Variants in NRG3 observed in about 807,000 individuals in gnomAD.
NRG3 encodes the protein neuregulin 3, also known as pro-neuregulin-3, membrane-bound isoform.
A neutral mutation model predicts 66.9 loss-of-function variants in NRG3; 31 were observed. That is an observed-to-expected ratio of 0.46 (90% confidence interval 0.35 to 0.63). The LOEUF is 0.63. Among genes scored for constraint, NRG3 ranks in the 20% least tolerant of loss-of-function variants. The pLI is 0.00. For missense variants in NRG3, 910 were observed against 878.9 expected, an observed-to-expected ratio of 1.04 and a Z score of -0.45; for synonymous variants, 393 against 359.4, an observed-to-expected ratio of 1.09 and a Z score of -1.06.
intron 2 of NRG3, among the ~76,000 whole-genome samples, chr10:82,362,339 G>A (rs1291557526): frequency 1.2e-4 from 8 of 65,188 alleles, no homozygotes; most frequent in African/African-American, 3.5e-4. Context: ...ATATATGTGT[G>A]TGTGTGTGTG....
chr10:82,588,784 A>G (rs1168529549), intron 2 of NRG3, among the ~76,000 whole-genome samples: 1 of 152,164 alleles, frequency 6.6e-6, no homozygotes, highest in African/African-American at 2.4e-5. Flanking sequence ...TACAGGCGTG[A>G]GCCACCGCAC....
chr10:82,776,290 T>A (rs2135228025), intron 3 of NRG3, among the ~76,000 whole-genome samples: 1 of 152,330 alleles, frequency 6.6e-6, no homozygotes, highest in Non-Finnish European at 1.5e-5. Context: ...GAGAAATCAC[T>A]GATGATCTGA....
chr10:82,795,376 T>C (rs868043355), intron 3 of NRG3, among the ~76,000 whole-genome samples: 1 of 152,218 alleles, frequency 6.6e-6, no homozygotes, highest in African/African-American at 2.4e-5. Context: ...ACAGAGCTAA[T>C]GTCTTTATTT....
chr10:82,729,883 A>C (rs1339336765), intron 2 of NRG3, among the ~76,000 whole-genome samples: 2 of 152,176 alleles, frequency 1.3e-5, no homozygotes, highest in African/African-American at 4.8e-5. Context: ...TTTTTAACTC[A>C]TCAAACTTGA....
chr10:81,936,738 A>G (rs1404758030), intron 1 of NRG3, among the ~76,000 whole-genome samples: 1 of 152,198 alleles, frequency 6.6e-6, no homozygotes, highest in Non-Finnish European at 1.5e-5. Context: ...GTCATGGTCC[A>G]AAATGGTGAT....
intron 1 of NRG3, among the ~76,000 whole-genome samples, chr10:82,349,065 C>T (rs144979456): frequency 2.0e-5 from 3 of 152,140 alleles, no homozygotes; most frequent in Non-Finnish European, 4.4e-5. Flanking sequence ...TCTCTCAGCT[C>T]GTCAAAGTCA....
intron 1 of NRG3, among the ~76,000 whole-genome samples, chr10:82,172,605 A>G (rs1485878792): frequency 6.6e-6 from 1 of 152,098 alleles, no homozygotes; most frequent in South Asian, 2.1e-4. Flanking sequence ...CAGCTTGATT[A>G]TATATGAAAA....
chr10:82,415,870 A>G (rs1176847469), intron 2 of NRG3, among the ~76,000 whole-genome samples: 1 of 152,154 alleles, frequency 6.6e-6, no homozygotes, highest in East Asian at 1.9e-4. Flanking sequence ...TGTTCAGGTA[A>G]TTTGTGGGCT....
At chr10:82,144,702 A>G (rs993132713) in intron 1 of NRG3, among the ~76,000 whole-genome samples, 1 of 152,188 alleles carries the variant, frequency 6.6e-6, no homozygotes, top group African/African-American at 2.4e-5. Flanking sequence ...TTGGAAAACA[A>G]ACTTTGACTT....
chr10:82,732,513 A>G (rs1002453239), intron 2 of NRG3, among the ~76,000 whole-genome samples: 4 of 152,336 alleles, frequency 2.6e-5, no homozygotes, highest in South Asian at 2.1e-4. Context: ...CTGAGTTTGT[A>G]TGTAGTTCAA....
At chr10:81,994,345 T>C (rs1447494772) in intron 1 of NRG3, among the ~76,000 whole-genome samples, 2 of 152,202 alleles carry the variant, frequency 1.3e-5, no homozygotes, top group Non-Finnish European at 2.9e-5. Context: ...ATTGCCATTA[T>C]TATATATAAA....
chr10:82,580,456 G>T (rs1248700028), intron 2 of NRG3, among the ~76,000 whole-genome samples: 1 of 151,558 alleles, frequency 6.6e-6, no homozygotes. Context: ...GTGTTCTTTG[G>T]GTTTTGACAA....
intron 1 of NRG3, among the ~76,000 whole-genome samples, chr10:82,019,542 A>C (rs1197588202): frequency 1.3e-5 from 2 of 152,192 alleles, no homozygotes; most frequent in East Asian, 3.9e-4. Flanking sequence ...CTCTGGTAGA[A>C]TTCGGCTGTG....
intron 1 of NRG3, among the ~76,000 whole-genome samples, chr10:82,086,354 A>G (rs1164492299): frequency 1.3e-5 from 2 of 152,180 alleles, no homozygotes; most frequent in African/African-American, 2.4e-5. Flanking sequence ...GTTTCTAAAT[A>G]TCAGATCTTA....
At chr10:82,119,303 T>G (rs2067930241) in intron 1 of NRG3, among the ~76,000 whole-genome samples, 1 of 152,110 alleles carries the variant, frequency 6.6e-6, no homozygotes, top group Non-Finnish European at 1.5e-5. Context: ...GAGGTTGAGT[T>G]TGGTTCTTGA....
intron 7 of NRG3, 83 bp from the exon 8 acceptor site, chr10:82,978,867 C>A: frequency 2.1e-6 from 3 of 1,427,598 alleles, no homozygotes; most frequent in Non-Finnish European, 1.9e-6. Context: ...TCAGTGTTTG[C>A]AAAGCTTGAG....
chr10:82,230,597 G>C (rs990799589), intron 1 of NRG3, among the ~76,000 whole-genome samples: 1 of 151,548 alleles, frequency 6.6e-6, no homozygotes, highest in Non-Finnish European at 1.5e-5. Flanking sequence ...AAAATATTCT[G>C]ACAATGAAAA....
At chr10:82,641,392 T>C (rs973085547) in intron 2 of NRG3, among the ~76,000 whole-genome samples, 1 of 152,146 alleles carries the variant, frequency 6.6e-6, no homozygotes, top group Non-Finnish European at 1.5e-5. Flanking sequence ...AGTTAAAATA[T>C]TAAACAGACC....
chr10:82,182,738 A>G (rs914365463), intron 1 of NRG3, among the ~76,000 whole-genome samples: 1 of 151,868 alleles, frequency 6.6e-6, no homozygotes, highest in Non-Finnish European at 1.5e-5. Flanking sequence ...TTTATATTTT[A>G]TATGTTTTCA....
Sources: allele counts gnomAD v4.1 joint callset (sites outside exome capture counted in the v4.1 genomes callset), GRCh38; gene constraint gnomAD v4.1.1; transcripts MANE v1.5; gene names NCBI Gene and HGNC (gene_info 2026-07-23, HGNC 2026-07-21).